Variants in EDAR observed in about 807,000 individuals in gnomAD.
The protein encoded by EDAR is ectodysplasin A receptor, also known as tumor necrosis factor receptor superfamily member EDAR.
A neutral mutation model predicts 51.3 loss-of-function variants in EDAR; 38 were observed. That is an observed-to-expected ratio of 0.74 (90% CI 0.57 to 0.97). The LOEUF (loss-of-function observed/expected upper bound fraction) is 0.97. EDAR is among the 50% of genes least tolerant of loss of function. EDAR has a pLI of 0.00. For missense variants in EDAR, 528 were observed against 595.0 expected (o/e 0.89, Z 1.17); for synonymous variants, 227 against 242.1 (o/e 0.94, Z 0.58).
chr2:108,965,936 A>G (rs955819518), intron 1 of EDAR, among the ~76,000 whole-genome samples: 7 of 152,074 alleles, frequency 4.6e-5, no homozygotes, highest in African/African-American at 1.7e-4. Context: ...AGGTACTATC[A>G]ACGTCAAATC....
chr2:108,949,025 G>GCCT (rs1697771501), intron 1 of EDAR, among the ~76,000 whole-genome samples: 1 of 152,170 alleles, frequency 6.6e-6, no homozygotes, highest in African/African-American at 2.4e-5. Flanking sequence ...CACCCAGGCT[G>GCCT]GAGTGCAGTG....
intron 1 of EDAR, among the ~76,000 whole-genome samples, chr2:108,978,099 G>A (rs1124619): frequency 4.1e-3 from 632 of 152,300 alleles, no homozygotes; most frequent in Non-Finnish European, 6.7e-3. Context: ...CCCAGGGTAG[G>A]AAGACCAGCA....
In EDAR at chr2:108,929,488, T is replaced by G. The variant is rs1574385738; in HGVS notation, c.175-109A>C. 6.7e-6 allele frequency: 8 copies of G among 1,196,762 alleles called. 1 individual carries two copies. The East Asian group carries it at 1.9e-4, about 29-fold the overall frequency. 74.1% of individuals were successfully genotyped at this position (1,196,762 alleles called of 1,614,324 possible). A position where few individuals can be genotyped will look rare whatever the true frequency, so the allele number is the denominator to read the frequency against. ...CGTGCCAGCTGTCTCCAGAAGCTAC[T>G]CTTGCCGGGCCTTGGTTTCCTGAGT... On this transcript the variant is annotated intron_variant, in intron 3 of 11. Transcript: ENST00000258443.
intron 1 of EDAR, among the ~76,000 whole-genome samples, chr2:108,963,913 C>T (rs996683730): frequency 6.6e-6 from 1 of 152,176 alleles, no homozygotes; most frequent in African/African-American, 2.4e-5. Flanking sequence ...CCAGTAGGGT[C>T]GGCTCTGGCT....
chr2:108,958,113 C>T (rs1697960025), intron 1 of EDAR, among the ~76,000 whole-genome samples: 1 of 152,182 alleles, frequency 6.6e-6, no homozygotes, highest in African/African-American at 2.4e-5. Context: ...AACGCACACA[C>T]CCCTGCACTT....
rs1017154843 is a variant in EDAR, at chr2:108,934,499, G to C, written c.-18-3467C>G. Among the ~76,000 whole-genome samples the C allele has an allele frequency of 2.6e-5, 4 of 152,202 alleles. No individual in the cohort carries two copies. The East Asian group carries it at 7.7e-4, about 29-fold the overall frequency. ...CATATTTGTGACAGTGATGGGGAGA[G>C]GGAGCACCTGTCTTAGTCTGCTTTG... On this transcript the variant is annotated intron_variant, in intron 1 of 11. Transcript: ENST00000258443.
At chr2:108,901,462 T>C (rs1696696599) in intron 11 of EDAR, among the ~76,000 whole-genome samples, 1 of 152,044 alleles carries the variant, frequency 6.6e-6, no homozygotes, top group Non-Finnish European at 1.5e-5. Context: ...AGGAAATAAG[T>C]AATTTAGAAA....
At chr2:108,898,003 A>T (rs10172033) in intron 11 of EDAR, among the ~76,000 whole-genome samples, 13,406 of 152,202 alleles carry the variant, frequency 0.088, 815 homozygotes, top group African/African-American at 0.16. Flanking sequence ...AAAAGTCCAA[A>T]AATCTGGAAA....
intron 1 of EDAR, among the ~76,000 whole-genome samples, chr2:108,965,113 C>G (rs57640054): frequency 0.024 from 3,691 of 151,510 alleles, 142 homozygotes; most frequent in African/African-American, 0.084. Context: ...ATGTGTGTGT[C>G]TGTGTGTGTG....
chr2:108,921,620 A>G (rs1697143103), intron 5 of EDAR, among the ~76,000 whole-genome samples: 1 of 152,152 alleles, frequency 6.6e-6, no homozygotes, highest in Non-Finnish European at 1.5e-5. Context: ...TAGTGACTCC[A>G]TGGGGCTTTC....
intron 1 of EDAR, among the ~76,000 whole-genome samples, chr2:108,977,230 G>T (rs260599): frequency 2.0e-5 from 3 of 152,258 alleles, no homozygotes; most frequent in South Asian, 2.1e-4. Flanking sequence ...CTTTGCCGCC[G>T]GGAGATCTGG....
chr2:108,974,470 G>A (rs918961525), intron 1 of EDAR, among the ~76,000 whole-genome samples: 2 of 151,588 alleles, frequency 1.3e-5, no homozygotes, highest in African/African-American at 2.4e-5. Context: ...GGTGGCTCAC[G>A]TCTGTAATCC....
chr2:108,960,846 A>C (rs1698024846), intron 1 of EDAR, among the ~76,000 whole-genome samples: 1 of 152,224 alleles, frequency 6.6e-6, no homozygotes, highest in East Asian at 1.9e-4. Flanking sequence ...TTCATTTGAA[A>C]TATTCTTCAG....
chr2:108,902,693 G>A (rs767846708), intron 11 of EDAR, among the ~76,000 whole-genome samples: 8 of 152,114 alleles, frequency 5.3e-5, no homozygotes, highest in Non-Finnish European at 1.2e-4. Flanking sequence ...CATCAGGTAT[G>A]GCTTATTCCA....
chr2:108,981,946 T>C (rs1164316771), intron 1 of EDAR, among the ~76,000 whole-genome samples: 1 of 152,240 alleles, frequency 6.6e-6, no homozygotes, highest in Non-Finnish European at 1.5e-5. Context: ...ATTTATTGAA[T>C]ACCTACTGTG....
chr2:108,968,633 T>A (rs180828555), intron 1 of EDAR, among the ~76,000 whole-genome samples: 1 of 152,338 alleles, frequency 6.6e-6, no homozygotes, highest in African/African-American at 2.4e-5. Flanking sequence ...TCTTCCTAGC[T>A]ACCAGGGAAG....
At chr2:108,925,948 AG>A in intron 4 of EDAR, among the ~76,000 whole-genome samples, 1 of 152,282 alleles carries the variant, frequency 6.6e-6, no homozygotes, top group Non-Finnish European at 1.5e-5. Flanking sequence ...ATTGGCTCCA[AG>A]AGGCTGTTAT....
intron 1 of EDAR, among the ~76,000 whole-genome samples, chr2:108,959,598 C>A (rs550110624): frequency 3.3e-5 from 5 of 152,256 alleles, no homozygotes; most frequent in Admixed American, 3.3e-4. Flanking sequence ...GGAGCTGGGG[C>A]CTCACACACC....
rs1697356097 is a variant in EDAR at position 108,930,975 on chromosome 2, G to A, written c.40C>T (p.Pro14Ser). ...CTCAGACCACTTACCACCAGGACGG[G>A]GAGCCAGGGCGTCTGCGTGCAGTCC... ...VGDCTQTPWL[P>S]VLVVSLMCSA... Residue 14 changes from proline (P) to serine (S), a missense_variant, in exon 2 of 12, where the codon CCC becomes TCC. Coordinates refer to ENST00000258443, the MANE Select transcript of EDAR (RefSeq NM_022336.4). 2 of 1,613,878 alleles carry A rather than the reference G, an allele frequency of 1.2e-6. No individual in the cohort carries two copies. Among genetic ancestry groups the A allele is most frequent in the Admixed American group, 1.7e-5 (1 of 60,010 alleles).
Sources: allele counts gnomAD v4.1 joint callset (sites outside exome capture counted in the v4.1 genomes callset), GRCh38; gene constraint gnomAD v4.1.1; transcripts MANE v1.5; gene names NCBI Gene and HGNC (gene_info 2026-07-23, HGNC 2026-07-21).